The following HEPHL1 variants were observed in gnomAD, a reference collection of about 807,000 sequenced individuals.
The protein encoded by HEPHL1 is ferroxidase HEPHL1.
In HEPHL1, 123 loss-of-function variants were observed where a neutral mutation model predicts 122.0. The observed-to-expected ratio is 1.01, with a 90% confidence interval of 0.87 to 1.17. The LOEUF is 1.17. Among genes scored for constraint, HEPHL1 ranks in the 50% most tolerant of loss-of-function variants. The pLI is 0.00. For synonymous variants in HEPHL1, 527 were observed against 508.9 expected, an observed-to-expected ratio of 1.04 and a Z score of -0.48; for missense variants, 1,452 against 1,430.5, an observed-to-expected ratio of 1.01 and a Z score of -0.24.
In HEPHL1 at chr11:94,075,304, T is replaced by C. The variant is rs762930481; in HGVS notation, c.1635T>C (p.Asp545=). 9 of 1,613,562 alleles carry C rather than the reference T, an allele frequency of 5.6e-6. No individual in the cohort carries two copies. The Admixed American group carries it at 1.5e-4, about 27-fold the overall frequency. Residue 545 remains aspartate, a synonymous_variant, in exon 9 of 20, where the codon GAT becomes GAC. Coordinates refer to ENST00000315765, the MANE Select transcript of HEPHL1 (RefSeq NM_001098672.2). ...CLTYLYFSAV[D]PIKDTSSGLV... ...CCTATCTTTACTTCTCAGCAGTTGA[T>C]CCAATTAAGGACACCAGCTCTGGCC...
At chr11:94,063,858 C>G in intron 3 of HEPHL1, 138 bp downstream of exon 3, 1 of 692,454 alleles carries the variant, frequency 1.4e-6, no homozygotes, top group Non-Finnish European at 2.5e-6. Context: ...GAAGATCAAT[C>G]TGACACCATA....
At chr11:94,040,177 A>G (rs1945764066) in intron 1 of HEPHL1, among the ~76,000 whole-genome samples, 1 of 78,408 alleles carries the variant, frequency 1.3e-5, no homozygotes, top group African/African-American at 5.9e-5. Flanking sequence ...ACCAGGAAGA[A>G]GTTGAATCTC....
intron 17 of HEPHL1, among the ~76,000 whole-genome samples, chr11:94,108,588 A>AT (rs1256411297): frequency 6.6e-6 from 1 of 152,052 alleles, no homozygotes; most frequent in Non-Finnish European, 1.5e-5. Context: ...TCAAGATATG[A>AT]AATAAGGTTC....
chr11:94,089,052 T>A, intron 12 of HEPHL1, 84 bp downstream of exon 12: 1 of 1,238,188 alleles, frequency 8.1e-7, no homozygotes, highest in Non-Finnish European at 1.2e-6. Flanking sequence ...CCCTGCAAAT[T>A]CCCAGGTTGT....
intron 13 of HEPHL1, 118 bp from the exon 14 acceptor site, chr11:94,101,077 T>C: frequency 9.2e-7 from 1 of 1,092,018 alleles, no homozygotes; most frequent in Non-Finnish European, 1.4e-6. Context: ...ATATATGCCT[T>C]TCTCGGAAAA....
intron 2 of HEPHL1, among the ~76,000 whole-genome samples, chr11:94,058,887 A>G (rs1249091611): frequency 6.6e-6 from 1 of 152,062 alleles, no homozygotes; most frequent in Middle Eastern, 3.2e-3. Flanking sequence ...GCTTTAATAT[A>G]AAAAAGTATA....
intron 13 of HEPHL1, among the ~76,000 whole-genome samples, chr11:94,096,615 C>T (rs1416069888): frequency 2.0e-5 from 3 of 152,158 alleles, no homozygotes; most frequent in African/African-American, 7.2e-5. Flanking sequence ...CCTTGTACCT[C>T]TGGTAGAATT....
At chr11:94,027,660 A>C (rs1945637750) in intron 1 of HEPHL1, among the ~76,000 whole-genome samples, 1 of 152,234 alleles carries the variant, frequency 6.6e-6, no homozygotes, top group African/African-American at 2.4e-5. Flanking sequence ...AGAGAGGTTA[A>C]GTCTCTTCCC....
chr11:94,067,519 A>C lies in HEPHL1; in HGVS notation c.832A>C (p.Asn278His), dbSNP rs776983966. Residue 278 changes from asparagine (N) to histidine (H), a missense_variant, in exon 5 of 20, where the codon AAC becomes CAC. Coordinates refer to ENST00000315765, the MANE Select transcript of HEPHL1 (RefSeq NM_001098672.2). ...MHALNGYLFG[N>H]FPEPDMCVGE... is the part of the protein sequence containing the mutation. ...AGCCCTCAATGGATACCTCTTCGGA[A>C]ACTTCCCGGAGCCTGATATGTGTGT... 4.0e-5 allele frequency: 64 copies of C among 1,613,408 alleles called. No homozygotes were observed. Among genetic ancestry groups the C allele is most frequent in the Non-Finnish European group, 5.0e-5 (59 of 1,179,612 alleles).
At position 94,088,868 on chromosome 11, in the gene HEPHL1, A is replaced by G. The variant is rs1295584331; in HGVS notation, c.2194A>G (p.Ile732Val). ...RDPSEQRYGM[I>V]RTFYIAAEEV... ...CCCTTCTGAGCAGCGGTACGGGATG[A>G]TAAGAACTTTTTACATCGCCGCTGA... Residue 732 changes from isoleucine (I) to valine (V), a missense_variant, in exon 12 of 20, where the codon ATA becomes GTA. Physicochemically the swap from Ile to Val is conservative, Grantham distance 29. Coordinates refer to ENST00000315765, the MANE Select transcript of HEPHL1 (RefSeq NM_001098672.2). 3 of 1,613,992 alleles carry G rather than the reference A, an allele frequency of 1.9e-6. No individual in the cohort carries two copies. The highest frequency in any genetic ancestry group is 2.5e-6 in the Non-Finnish European group (3 of 1,179,872).
intron 1 of HEPHL1, among the ~76,000 whole-genome samples, chr11:94,029,281 ACTGT>A (rs1227668103): frequency 6.6e-6 from 1 of 152,208 alleles, no homozygotes; most frequent in Non-Finnish European, 1.5e-5. Flanking sequence ...GGTTCTCTTC[ACTGT>A]CTGAGCAGGA....
intron 11 of HEPHL1, among the ~76,000 whole-genome samples, chr11:94,087,745 G>A (rs974234813): frequency 4.6e-5 from 7 of 152,012 alleles, no homozygotes; most frequent in Non-Finnish European, 1.0e-4. Flanking sequence ...TCTTCTCTGT[G>A]GTTTCATATA....
At position 94,073,065 on chromosome 11, in the gene HEPHL1, G is replaced by C; in HGVS notation, c.1273G>C (p.Gly425Arg). 3 of 1,612,844 alleles carry C rather than the reference G, an allele frequency of 1.9e-6. No individual in the cohort carries two copies. Among genetic ancestry groups the C allele is most frequent in the Non-Finnish European group, 2.5e-6 (3 of 1,179,156 alleles). Residue 425 changes from glycine to arginine, a missense_variant, in exon 7 of 20, where the codon GGA becomes CGA. Transcript: ENST00000315765. ...CTTCACACAAGGGGACAACAGAATA[G>C]GAGGAAAATACTGGAAGGTTCGGTA... ...LYFTQGDNRI[G>R]GKYWKVRYTE...
At chr11:94,056,516 T>C (rs1262596921) in intron 2 of HEPHL1, among the ~76,000 whole-genome samples, 1 of 152,186 alleles carries the variant, frequency 6.6e-6, no homozygotes, top group Non-Finnish European at 1.5e-5. Flanking sequence ...CTATATATCA[T>C]TGAGTTATTT....
chr11:94,077,441 T>C (rs1315732119), intron 9 of HEPHL1, among the ~76,000 whole-genome samples: 5 of 152,210 alleles, frequency 3.3e-5, no homozygotes, highest in Non-Finnish European at 7.3e-5. Context: ...GTACACGAGA[T>C]GTTTTGGTAC....
At chr11:94,090,153 CCATT>C (rs1018791249) in intron 12 of HEPHL1, among the ~76,000 whole-genome samples, 2 of 151,828 alleles carry the variant, frequency 1.3e-5, no homozygotes, top group Admixed American at 6.6e-5. Flanking sequence ...AATTTTAAAT[CCATT>C]CAATTACTCA....
Position 94,075,285 on chromosome 11 carries a change from T to C in HEPHL1, c.1616T>C (p.Leu539Pro). 1 of 1,613,586 alleles carries C rather than the reference T, an allele frequency of 6.2e-7. No homozygotes were observed. Among genetic ancestry groups the C allele is most frequent in the Admixed American group, 1.7e-5 (1 of 59,910 alleles). Residue 539 changes from leucine (L) to proline (P), a missense_variant, in exon 9 of 20, where the codon CTT (leucine) becomes CCT (proline). Leu to Pro is a moderately conservative substitution (Grantham distance 98, BLOSUM62 -3). Coordinates refer to ENST00000315765, the MANE Select transcript of HEPHL1 (RefSeq NM_001098672.2). ...TAGDPPCLTY[L>P]YFSAVDPIKD... ...GGTGATCCTCCCTGTCTGACCTATC[T>C]TTACTTCTCAGCAGTTGATCCAATT...
intron 13 of HEPHL1, among the ~76,000 whole-genome samples, chr11:94,095,746 G>A (rs978916738): frequency 6.6e-6 from 1 of 152,148 alleles, no homozygotes; most frequent in Non-Finnish European, 1.5e-5. Flanking sequence ...CACATCCCTT[G>A]TAAGTTGGAT....
chr11:94,085,932 C>T (rs772114222), intron 10 of HEPHL1, 45 bp from the exon 11 acceptor site: 2 of 1,367,852 alleles, frequency 1.5e-6, no homozygotes, highest in Non-Finnish European at 2.1e-6. Flanking sequence ...CTCCCCTGCC[C>T]CATACACACT....
Sources: gnomAD v4.1 joint callset for allele counts (sites outside exome capture counted in the v4.1 genomes callset) on GRCh38, gnomAD v4.1.1 for gene constraint, MANE v1.5 for transcripts, NCBI Gene and HGNC (gene_info 2026-07-23, HGNC 2026-07-21) for gene names.